AFF1: variants seen among roughly 807,000 people sequenced by gnomAD.
AFF1 encodes ALF transcription elongation factor 1.
Under a neutral mutation model 121.7 loss-of-function variants are expected in AFF1, and 48 were observed. The observed-to-expected ratio is 0.39, with a 90% confidence interval of 0.31 to 0.50. AFF1 has a LOEUF of 0.50. Among genes scored for constraint, AFF1 ranks in the 20% least tolerant of loss-of-function variants. AFF1 has a pLI of 0.76. For missense variants in AFF1, 1,523 were observed against 1,511.7 expected, an observed-to-expected ratio of 1.01 and a Z score of -0.12; for synonymous variants, 613 against 563.0, an observed-to-expected ratio of 1.09 and a Z score of -1.26.
At position 87,131,878 on chromosome 4, in the gene AFF1, T is replaced by C; in HGVS notation, c.3173+14T>C. On this transcript the variant is annotated intron_variant, in intron 18 of 20. Coordinates refer to ENST00000395146, the MANE Select transcript of AFF1 (RefSeq NM_001166693.3). The stretch of plus-strand genomic sequence containing the variant: ...TGCTGTTTTATGGTGCGTATTTTCC[T>C]TTGTCTAAATAGTACTAAATTTGTT... 5 of 1,559,466 alleles carry C rather than the reference T, an allele frequency of 3.2e-6. No homozygotes were observed. The highest frequency in any genetic ancestry group is 3.4e-6 in the Non-Finnish European group (4 of 1,159,510).
chr4:87,104,197 G>A (rs556409574), intron 8 of AFF1, among the ~76,000 whole-genome samples: 7 of 152,094 alleles, frequency 4.6e-5, no homozygotes, highest in Admixed American at 1.3e-4. Flanking sequence ...ACTTGAACCC[G>A]GAGCTCTAGA....
intron 2 of AFF1, among the ~76,000 whole-genome samples, chr4:86,978,176 A>ACTTTTT (rs1723450692): frequency 4.4e-5 from 1 of 22,656 alleles, no homozygotes. Flanking sequence ...CATTACATTC[A>ACTTTTT]CTTTTTTTTT....
Position 87,047,516 on chromosome 4 carries a change from G to A in AFF1, c.981G>A (p.Gln327=). The change falls in exon 4 of 21, where the codon CAG becomes CAA. Residue 327 remains glutamine, a synonymous_variant. Coordinates refer to ENST00000395146, the MANE Select transcript of AFF1 (RefSeq NM_001166693.3). ...CACTGCCGGAGGACTATCGACAGCA[G>A]ACCTTTGAAAAAACAGACTTGAAAG... ...LKPLPEDYRQ[Q]TFEKTDLKVP... The A allele has an allele frequency of 1.2e-6, 2 of 1,614,190 alleles. No homozygotes were observed. The highest frequency in any genetic ancestry group is 1.1e-5 in the South Asian group (1 of 91,082).
chr4:87,079,849 C>T (rs1723001806), intron 4 of AFF1, among the ~76,000 whole-genome samples: 1 of 152,072 alleles, frequency 6.6e-6, no homozygotes, highest in East Asian at 1.9e-4. Context: ...TACAGAATTC[C>T]CTCAGGCATT....
Position 87,099,862 on chromosome 4 carries a change from C to T in AFF1, c.1283+4893C>T, listed in dbSNP as rs1725248532. On this transcript the variant is annotated intron_variant, in intron 8 of 20. Transcript: ENST00000395146. ...AGAGGAATTCTTTGGATAGTAGTTACACTTCAGGGAAAAGAGGGGTCCAGA... is the reference window on the plus strand; with the variant it reads ...AGAGGAATTCTTTGGATAGTAGTTATACTTCAGGGAAAAGAGGGGTCCAGA... Among the ~76,000 whole-genome samples, 4 of 152,220 alleles carry T rather than the reference C, an allele frequency of 2.6e-5. No homozygotes were observed. The South Asian group carries it at 8.3e-4, about 31-fold the overall frequency.
intron 10 of AFF1, among the ~76,000 whole-genome samples, chr4:87,106,180 C>G (rs79338512): frequency 1.3e-5 from 2 of 152,058 alleles, no homozygotes; most frequent in Non-Finnish European, 2.9e-5. Flanking sequence ...GTCAGGAGTT[C>G]GAGACCAGCC....
chr4:87,008,418 A>G (rs903888117), intron 2 of AFF1, among the ~76,000 whole-genome samples: 4 of 152,228 alleles, frequency 2.6e-5, no homozygotes, highest in Admixed American at 6.5e-5. Flanking sequence ...CTTTCTAGGA[A>G]GGAAAGAGCT....
intron 1 of AFF1, among the ~76,000 whole-genome samples, chr4:86,946,657 G>T (rs1274637460): frequency 2.6e-5 from 4 of 152,056 alleles, no homozygotes; most frequent in Non-Finnish European, 1.5e-5. Flanking sequence ...CTCCCAAAGT[G>T]CTGGGATTAC....
rs1320077534 is a variant in AFF1 at position 87,137,120 on chromosome 4, ATTACT to A, written c.*1422_*1426del. On this transcript the variant is annotated 3_prime_UTR_variant, in exon 21 of 21. Transcript: ENST00000395146. Reference sequence around the variant, plus strand: ...AACTTTAAAGGTTATTATTGGAAACATTACTTTGAGTGCAGTGTTTTTAAAAGCCA... The same window carrying A: ...AACTTTAAAGGTTATTATTGGAAACATTGAGTGCAGTGTTTTTAAAAGCCA... 3.5e-5 allele frequency: 8 copies of A among 226,680 alleles called. No homozygotes were observed. The highest frequency in any genetic ancestry group is 1.6e-4 in the African/African-American group (7 of 44,964). 14.0% of individuals were successfully genotyped at this position (226,680 alleles called of 1,614,324 possible).
rs562381331 is a variant in AFF1, at chr4:87,051,918, G to A, written c.1059+4324G>A. On this transcript the variant is annotated intron_variant, in intron 4 of 20. Transcript: ENST00000395146. The stretch of plus-strand genomic sequence containing the variant: ...TAATATAGTTATAATGAAATCATAG[G>A]CGTTGATAAGAGTGCCGCAAGAAGT... Among the ~76,000 whole-genome samples the A allele has an allele frequency of 2.6e-4, 39 of 152,214 alleles. 1 individual carries two copies. Among genetic ancestry groups the A allele is most frequent in the African/African-American group, 9.4e-4 (39 of 41,532 alleles).
At chr4:86,987,133 C>G (rs11931688) in intron 2 of AFF1, among the ~76,000 whole-genome samples, 5,918 of 152,180 alleles carry the variant, frequency 0.039, 197 homozygotes, top group African/African-American at 0.093. Flanking sequence ...AACTGAAAAC[C>G]CTTATCCTGA....
chr4:86,975,636 A>G (rs370657233), intron 2 of AFF1, among the ~76,000 whole-genome samples: 23 of 152,362 alleles, frequency 1.5e-4, no homozygotes, highest in African/African-American at 5.3e-4. Flanking sequence ...TACAAAACTC[A>G]TTAAGACAGC....
At chr4:87,085,853 C>T (rs896381136) in intron 5 of AFF1, among the ~76,000 whole-genome samples, 1 of 151,780 alleles carries the variant, frequency 6.6e-6, no homozygotes, top group East Asian at 1.9e-4. Flanking sequence ...ATTCTTGTGC[C>T]TCAGCCACCC....
At chr4:87,017,790 G>T (rs1167056857) in intron 2 of AFF1, among the ~76,000 whole-genome samples, 1 of 152,164 alleles carries the variant, frequency 6.6e-6, no homozygotes, top group Non-Finnish European at 1.5e-5. Context: ...GTGACTATGT[G>T]CCCTCCCTTG....
intron 4 of AFF1, among the ~76,000 whole-genome samples, chr4:87,056,802 A>G (rs1362253043): frequency 6.6e-6 from 1 of 152,232 alleles, no homozygotes; most frequent in Non-Finnish European, 1.5e-5. Context: ...ACTCTTCATA[A>G]TACATTGCTG....
chr4:87,133,263 GT>G (rs1287882212), intron 19 of AFF1, among the ~76,000 whole-genome samples: 1 of 152,214 alleles, frequency 6.6e-6, no homozygotes, highest in African/African-American at 2.4e-5. Flanking sequence ...TTGTACAAGT[GT>G]TTTTAAAGTG....
At chr4:86,976,070 T>C (rs1723281572) in intron 2 of AFF1, among the ~76,000 whole-genome samples, 1 of 152,158 alleles carries the variant, frequency 6.6e-6, no homozygotes, top group African/African-American at 2.4e-5. Context: ...TACAGTGTGT[T>C]AAGTTCAATG....
chr4:87,126,882 A>G, intron 14 of AFF1, 144 bp from the exon 15 acceptor site: 1 of 666,902 alleles, frequency 1.5e-6, no homozygotes, highest in South Asian at 1.9e-5. Flanking sequence ...TAGCTGAGGA[A>G]GTGTTTAGCC....
At chr4:87,037,375 G>C (rs1312998350) in intron 2 of AFF1, among the ~76,000 whole-genome samples, 5 of 152,034 alleles carry the variant, frequency 3.3e-5, no homozygotes, top group African/African-American at 1.2e-4. Flanking sequence ...GCAGTGGCGC[G>C]TTCTCAGCTC....
Sources: allele counts gnomAD v4.1 joint callset (sites outside exome capture counted in the v4.1 genomes callset), GRCh38; gene constraint gnomAD v4.1.1; transcripts MANE v1.5; gene names NCBI Gene and HGNC (gene_info 2026-07-23, HGNC 2026-07-21).